The following PCDHA5 variants were observed in gnomAD, a reference collection of about 807,000 sequenced individuals.
PCDHA5 encodes protocadherin alpha-5.
In PCDHA5, 43 loss-of-function variants were observed where a neutral mutation model predicts 61.6. That is an observed-to-expected ratio of 0.70 (90% CI 0.55 to 0.90). The LOEUF (loss-of-function observed/expected upper bound fraction) is 0.90. PCDHA5 is among the 40% of genes least tolerant of loss of function. The pLI is 0.00. For missense variants in PCDHA5, 1,298 were observed against 1,222.7 expected (o/e 1.06, Z -0.92); for synonymous variants, 627 against 543.9 (o/e 1.15, Z -2.13).
chr5:140,954,390 C>A (rs2095030202), intron 1 of PCDHA5, among the ~76,000 whole-genome samples: 1 of 152,204 alleles, frequency 6.6e-6, no homozygotes, highest in South Asian at 2.1e-4. Context: ...AACTAATTTA[C>A]AACCCCACCA....
Position 140,842,918 on chromosome 5 carries a change from T to C in PCDHA5, c.2352+18791T>C. On this transcript the variant is annotated intron_variant, in intron 1 of 3. Coordinates refer to ENST00000529859, the MANE Select transcript of PCDHA5 (RefSeq NM_018908.3). Reference sequence around the variant, plus strand: ...CCACGAGGAGCTAGAGCTGCTGCAGTTCCAGGTGAGCGCGCGCGACGCGGG... The same window carrying C: ...CCACGAGGAGCTAGAGCTGCTGCAGCTCCAGGTGAGCGCGCGCGACGCGGG... The C allele has an allele frequency of 3.8e-6, 6 of 1,594,574 alleles. 1 individual carries two copies. The highest frequency in any genetic ancestry group is 5.1e-6 in the Non-Finnish European group (6 of 1,165,450).
Position 140,848,616 on chromosome 5 carries a change from C to T in PCDHA5, c.2352+24489C>T, listed in dbSNP as rs1196599675. ...CTACTCCGTCCCGGAGGAAGCCGAA[C>T]ACGGCACCTTCGTGGGCCGCATCGC... On this transcript the variant is annotated intron_variant, in intron 1 of 3. Transcript: ENST00000529859. 1.3e-5 allele frequency: 21 copies of T among 1,593,464 alleles called. 4 individuals carry two copies. The highest frequency in any genetic ancestry group is 1.8e-5 in the Non-Finnish European group (21 of 1,163,958).
intron 3 of PCDHA5, among the ~76,000 whole-genome samples, chr5:141,005,559 G>A (rs980622255): frequency 6.6e-6 from 1 of 151,190 alleles, no homozygotes; most frequent in Admixed American, 6.6e-5. Flanking sequence ...AAAATTAGCC[G>A]GGCATGGTGG....
At chr5:140,828,870 C>G (rs1176044523) in intron 1 of PCDHA5, 1 of 1,614,086 alleles carries the variant, frequency 6.2e-7, no homozygotes, top group Non-Finnish European at 8.5e-7. Context: ...AACGGAACAA[C>G]AGTTATCAGA....
chr5:140,958,637 A>G (rs2095435071), intron 1 of PCDHA5, among the ~76,000 whole-genome samples: 1 of 152,192 alleles, frequency 6.6e-6, no homozygotes. Flanking sequence ...TACTGCAGAA[A>G]ACCAATCACA....
At chr5:140,990,821 G>T (rs890499969) in intron 3 of PCDHA5, among the ~76,000 whole-genome samples, 1 of 152,172 alleles carries the variant, frequency 6.6e-6, no homozygotes, top group East Asian at 1.9e-4. Flanking sequence ...CCTTCTCTCA[G>T]CTAAAGCCTA....
chr5:140,943,274 A>AAAAG (rs1349019397), intron 1 of PCDHA5, among the ~76,000 whole-genome samples: 1 of 141,284 alleles, frequency 7.1e-6, no homozygotes, highest in Admixed American at 7.3e-5. Context: ...AAAAAAAAAA[A>AAAAG]AAAGAAAGAA....
chr5:140,999,890 T>C (rs2097882236), intron 3 of PCDHA5, among the ~76,000 whole-genome samples: 1 of 152,168 alleles, frequency 6.6e-6, no homozygotes, highest in South Asian at 2.1e-4. Context: ...CAGCTGTAGC[T>C]TGGGACACCA....
At chr5:140,991,109 C>A (rs987847767) in intron 3 of PCDHA5, among the ~76,000 whole-genome samples, 1 of 152,156 alleles carries the variant, frequency 6.6e-6, no homozygotes, top group Non-Finnish European at 1.5e-5. Flanking sequence ...AATTAAGTGG[C>A]TTTCTTACAT....
chr5:140,970,751 T>G (rs2096430046), intron 1 of PCDHA5, among the ~76,000 whole-genome samples: 1 of 152,232 alleles, frequency 6.6e-6, no homozygotes, highest in African/African-American at 2.4e-5. Flanking sequence ...GCAATATATT[T>G]TCATTGACAT....
chr5:140,968,823 A>G (rs569036779), intron 1 of PCDHA5: 3 of 1,614,192 alleles, frequency 1.9e-6, no homozygotes, highest in Non-Finnish European at 2.5e-6. Context: ...AGGGTTTCCA[A>G]AATCCTCCCT....
rs782426631 is a variant in PCDHA5, at chr5:140,982,476, T to C, written c.2413T>C (p.Ser805Pro). Residue 805 changes from serine (S) to proline (P), a missense_variant and splice_region_variant, in exon 3 of 4, where the codon TCT becomes CCT. By Grantham distance (74) the Ser-to-Pro change is moderately conservative. Transcript: ENST00000529859. ...ATCTGGGTCTGTGTGTTTATTCAGC[T>C]CTGTGCACCTAGAGGAGGCTGGCAT... ...SASLRAGMHS[S>P]VHLEEAGILR... 3 of 1,614,064 alleles carry C rather than the reference T, an allele frequency of 1.9e-6. No homozygotes were observed. The highest frequency in any genetic ancestry group is 1.6e-4 in the Middle Eastern group (1 of 6,082).
chr5:140,910,200 A>C (rs1471024317), intron 1 of PCDHA5, among the ~76,000 whole-genome samples: 1 of 152,200 alleles, frequency 6.6e-6, no homozygotes, highest in East Asian at 1.9e-4. Flanking sequence ...TCTTTTGTCC[A>C]CTTGACCTGG....
chr5:140,959,300 C>T (rs887685405), intron 1 of PCDHA5, among the ~76,000 whole-genome samples: 11 of 151,854 alleles, frequency 7.2e-5, no homozygotes, highest in African/African-American at 2.7e-4. Flanking sequence ...TCACTGAGCC[C>T]GGTGGTTGAA....
chr5:140,886,886 T>C (rs1554182794), intron 1 of PCDHA5, among the ~76,000 whole-genome samples: 1 of 151,610 alleles, frequency 6.6e-6, no homozygotes, highest in African/African-American at 2.4e-5. Flanking sequence ...CATTCATTAA[T>C]TAAATGCATT....
rs1487503403 is a variant in PCDHA5 at position 140,941,191 on chromosome 5, T to TTTCTTTC, written c.2353-37756_2353-37755insCTTTCTT. Among the ~76,000 whole-genome samples, 158 of 93,240 alleles carry TTTCTTTC rather than the reference T, an allele frequency of 1.7e-3. 2 individuals carry two copies. Among genetic ancestry groups the TTTCTTTC allele is most frequent in the South Asian group, 0.011 (38 of 3,542 alleles). 61.2% of individuals were successfully genotyped at this position (93,240 alleles called of 152,430 possible). A position where few individuals can be genotyped will look rare whatever the true frequency, so the allele number is the denominator to read the frequency against. ...CATCTTGAACATCCTGCTTCTTTTT[T>TTTCTTTC]TTTCTTTCTTCCTTTCTTTCTTCCT... On this transcript the variant is annotated intron_variant, in intron 1 of 3. Transcript: ENST00000529859.
intron 1 of PCDHA5, chr5:140,868,910 T>C: frequency 2.3e-6 from 2 of 888,770 alleles, no homozygotes; most frequent in South Asian, 3.8e-5. Flanking sequence ...GCTCTTTACT[T>C]GGTGGAAAGT....
In PCDHA5 at chr5:140,858,295, G is replaced by A. The variant is rs190932191; in HGVS notation, c.2352+34168G>A. ...GCGCGGTGGGGAGCTGGTCTTACTC[G>A]CAGCAGAGGCGGCAGAGGGTGTGTT... On this transcript the variant is annotated intron_variant, in intron 1 of 3. Coordinates refer to ENST00000529859, the MANE Select transcript of PCDHA5 (RefSeq NM_018908.3). 2.6e-3 allele frequency: 4,219 copies of A among 1,597,346 alleles called. 330 individuals are homozygous for A. The highest frequency in any genetic ancestry group is 0.01 in the Middle Eastern group (61 of 5,988).
chr5:140,967,212 C>T, intron 1 of PCDHA5: 1 of 1,613,630 alleles, frequency 6.2e-7, no homozygotes, highest in Middle Eastern at 1.6e-4. Flanking sequence ...CCGCGTTTCC[C>T]GCGGCCCAAC....
Sources: gnomAD v4.1 joint callset for allele counts (sites outside exome capture counted in the v4.1 genomes callset) on GRCh38, gnomAD v4.1.1 for gene constraint, MANE v1.5 for transcripts, NCBI Gene and HGNC (gene_info 2026-07-23, HGNC 2026-07-21) for gene names.